Variants in SLC26A5 observed in about 807,000 individuals in gnomAD.
The protein encoded by SLC26A5 is solute carrier family 26 member 5.
In SLC26A5, 51 loss-of-function variants were observed where a neutral mutation model predicts 81.0. The observed-to-expected ratio is 0.63, with a 90% CI of 0.50 to 0.80. SLC26A5 has a LOEUF of 0.80. SLC26A5 is among the 30% of genes least tolerant of loss of function. The pLI is 0.00. For synonymous variants in SLC26A5, 325 were observed against 332.8 expected (o/e 0.98, Z 0.25); for missense variants, 771 against 905.8 (o/e 0.85, Z 1.91).
chr7:103,382,016 C>T (rs1821839386), intron 14 of SLC26A5, among the ~76,000 whole-genome samples: 2 of 152,104 alleles, frequency 1.3e-5, no homozygotes, highest in Admixed American at 6.5e-5. Flanking sequence ...CTCCCCCCAA[C>T]ACCATACCAC....
chr7:103,393,094 T>C (rs1432950225), intron 9 of SLC26A5, 28 bp from the exon 10 acceptor site: 3 of 1,613,478 alleles, frequency 1.9e-6, no homozygotes, highest in Non-Finnish European at 2.5e-6. Flanking sequence ...CTTTAACTTG[T>C]GTTGTGACCA....
At chr7:103,430,329 T>G (rs1342993358) in intron 2 of SLC26A5, among the ~76,000 whole-genome samples, 1 of 152,224 alleles carries the variant, frequency 6.6e-6, no homozygotes, top group African/African-American at 2.4e-5. Context: ...GCCGCCCGCC[T>G]CGGCCTCCCA....
intron 4 of SLC26A5, among the ~76,000 whole-genome samples, chr7:103,418,652 A>C (rs1825105806): frequency 6.6e-6 from 1 of 151,976 alleles, no homozygotes; most frequent in Non-Finnish European, 1.5e-5. Flanking sequence ...AAAATAAAAA[A>C]CTCAGCTAAT....
intron 4 of SLC26A5, among the ~76,000 whole-genome samples, chr7:103,414,845 G>A (rs957658375): frequency 2.0e-5 from 3 of 152,188 alleles, no homozygotes; most frequent in African/African-American, 4.8e-5. Context: ...AGCACGCTGA[G>A]CAGCTTTCTT....
At chr7:103,397,800 C>A in intron 9 of SLC26A5, 132 bp downstream of exon 9, 1 of 723,520 alleles carries the variant, frequency 1.4e-6, no homozygotes. Context: ...CACCCAATCC[C>A]CCTAAAGCCC....
intron 16 of SLC26A5, among the ~76,000 whole-genome samples, 172 bp downstream of exon 16, chr7:103,379,071 C>T (rs1821578630): frequency 6.6e-6 from 1 of 152,056 alleles, no homozygotes. Context: ...GGACTGTATA[C>T]TTTGAAAATG....
chr7:103,441,531 A>G (rs993979572), intron 2 of SLC26A5, among the ~76,000 whole-genome samples: 1 of 152,172 alleles, frequency 6.6e-6, no homozygotes, highest in Non-Finnish European at 1.5e-5. Flanking sequence ...AGGTGTGAGG[A>G]TCATTTTTTA....
chr7:103,371,987 A>G (rs555055484), downstream of SLC26A5, among the ~76,000 whole-genome samples: 5 of 152,236 alleles, frequency 3.3e-5, no homozygotes, highest in South Asian at 4.1e-4. Flanking sequence ...GAGCCACCGC[A>G]CCTGGCCGAA....
chr7:103,365,654 G>A lies in SLC26A5; in HGVS notation c.2041+11154C>T, dbSNP rs549407087. On this transcript the variant is annotated intron_variant, in intron 19 of 19. Coordinates refer to the SLC26A5 transcript ENST00000339444. ...CAAAAAATAAAATTAAAATAGCTGC[G>A]CGCAGTGGCTCACGTCTGTAATCCC... Among the ~76,000 whole-genome samples the A allele has an allele frequency of 7.0e-4, 107 of 152,032 alleles. 1 individual carries two copies. Among genetic ancestry groups the A allele is most frequent in the African/African-American group, 2.3e-3 (96 of 41,484 alleles).
At chr7:103,434,004 A>G (rs1826272149) in intron 2 of SLC26A5, among the ~76,000 whole-genome samples, 1 of 152,074 alleles carries the variant, frequency 6.6e-6, no homozygotes, top group South Asian at 2.1e-4. Flanking sequence ...CCTGGCCTGT[A>G]TTAATTTTTT....
At chr7:103,354,877 A>T (rs886803788) in intron 19 of SLC26A5, 1 of 1,611,240 alleles carries the variant, frequency 6.2e-7, no homozygotes, top group African/African-American at 1.3e-5. Context: ...GGGTCAGAGC[A>T]CTTACTCTAG....
chr7:103,366,316 T>C (rs889996279), intron 19 of SLC26A5, among the ~76,000 whole-genome samples: 4 of 152,234 alleles, frequency 2.6e-5, no homozygotes, highest in African/African-American at 9.6e-5. Flanking sequence ...TAAGTAGTAG[T>C]GCTAAACTAT....
At chr7:103,354,421 T>A (rs1274910515) in intron 19 of SLC26A5, among the ~76,000 whole-genome samples, 1 of 147,196 alleles carries the variant, frequency 6.8e-6, no homozygotes, top group Non-Finnish European at 1.5e-5. Context: ...CAGGCTGGAG[T>A]GCAATGGCGC....
chr7:103,442,291 C>CCCT (rs1826940141), intron 2 of SLC26A5, among the ~76,000 whole-genome samples: 1 of 152,190 alleles, frequency 6.6e-6, no homozygotes, highest in African/African-American at 2.4e-5. Context: ...GCATGTGCCA[C>CCCT]CACGCCTGGC....
downstream of SLC26A5, among the ~76,000 whole-genome samples, chr7:103,373,594 A>G (rs1025017717): frequency 1.1e-4 from 16 of 152,356 alleles, no homozygotes; most frequent in Non-Finnish European, 4.4e-5. Flanking sequence ...TTTAAAGGAC[A>G]TGACCAGTTG....
intron 2 of SLC26A5, among the ~76,000 whole-genome samples, chr7:103,439,825 G>A (rs187113011): frequency 3.3e-5 from 5 of 152,244 alleles, no homozygotes; most frequent in Non-Finnish European, 7.4e-5. Flanking sequence ...GTGAGCCACC[G>A]CAGTTGGCCT....
At chr7:103,390,296 C>T in intron 12 of SLC26A5, 133 bp downstream of exon 12, 1 of 850,434 alleles carries the variant, frequency 1.2e-6, no homozygotes, top group Non-Finnish European at 2.0e-6. Flanking sequence ...TGGTCCTAGC[C>T]TTGGCCCTTT....
chr7:103,364,114 T>C (rs780859411), intron 19 of SLC26A5: 1 of 1,604,948 alleles, frequency 6.2e-7, no homozygotes, highest in Non-Finnish European at 8.5e-7. Flanking sequence ...ACAGAAGTGG[T>C]AAGTGTGAAA....
chr7:103,398,051 G>A (rs776411168), intron 8 of SLC26A5, 37 bp from the exon 9 acceptor site: 1 of 1,517,696 alleles, frequency 6.6e-7, no homozygotes, highest in Admixed American at 1.7e-5. Flanking sequence ...CTTTAGAGAT[G>A]AATGTTCAAA....
Sources: gnomAD v4.1 joint callset for allele counts (sites outside exome capture counted in the v4.1 genomes callset) on GRCh38, gnomAD v4.1.1 for gene constraint, MANE v1.5 for transcripts, NCBI Gene and HGNC (gene_info 2026-07-23, HGNC 2026-07-21) for gene names.